Variants in PSEN1 observed in about 807,000 individuals in gnomAD.
PSEN1 encodes the protein presenilin-1.
Under a neutral mutation model 53.5 loss-of-function variants are expected in PSEN1, and 15 were observed. That is an observed-to-expected ratio of 0.28 (90% CI 0.19 to 0.43). The LOEUF is 0.43. Among genes scored for constraint, PSEN1 ranks in the 20% least tolerant of loss-of-function variants. PSEN1 has a pLI of 1.00. For missense variants in PSEN1, 387 were observed against 571.2 expected (o/e 0.68, Z 3.29); for synonymous variants, 208 against 209.8 (o/e 0.99, Z 0.08).
intron 9 of PSEN1, among the ~76,000 whole-genome samples, chr14:73,207,877 A>C (rs1899517348): frequency 6.6e-6 from 1 of 152,252 alleles, no homozygotes; most frequent in South Asian, 2.1e-4. Flanking sequence ...TGCTGGCTGC[A>C]GCAGGGCAGG....
rs1202819458 is a variant in PSEN1, at chr14:73,219,675, G to T, written c.*386G>T. On this transcript the variant is annotated 3_prime_UTR_variant, in exon 12 of 12. Transcript: ENST00000324501. ...CCGTTACCAAGAGGTTAGGTGAAGT[G>T]GTTTAAACCAAACGGAACTCTTCAT... is the stretch of plus-strand genomic sequence containing the variant. 4 of 282,852 alleles carry T rather than the reference G, an allele frequency of 1.4e-5. No homozygotes were observed. Among genetic ancestry groups the T allele is most frequent in the Non-Finnish European group, 2.1e-5 (3 of 144,650 alleles). The allele number at this position is 282,852 out of a possible 1,614,324, so 17.5% of individuals were successfully genotyped here.
chr14:73,150,537 G>A (rs1441782641), intron 3 of PSEN1, among the ~76,000 whole-genome samples: 1 of 152,036 alleles, frequency 6.6e-6, no homozygotes, highest in East Asian at 1.9e-4. Flanking sequence ...GCCGAGGCTG[G>A]TGGATCACAA....
intron 8 of PSEN1, among the ~76,000 whole-genome samples, chr14:73,199,565 TAC>T (rs1439037457): frequency 2.0e-5 from 3 of 152,226 alleles, no homozygotes; most frequent in African/African-American, 7.2e-5. Context: ...AGACAGCACT[TAC>T]AGAGTGCATC....
At chr14:73,185,050 C>T (rs1030427667) in intron 5 of PSEN1, among the ~76,000 whole-genome samples, 2 of 151,776 alleles carry the variant, frequency 1.3e-5, no homozygotes, top group Non-Finnish European at 2.9e-5. Context: ...GATGTGATGG[C>T]AGCCGGGCAG....
chr14:73,159,353 G>A (rs1385634963), intron 3 of PSEN1, among the ~76,000 whole-genome samples: 2 of 151,978 alleles, frequency 1.3e-5, no homozygotes, highest in South Asian at 2.1e-4. Flanking sequence ...AGCTAATTCC[G>A]TTTGTATTTC....
intron 8 of PSEN1, among the ~76,000 whole-genome samples, chr14:73,201,908 G>A (rs993311310): frequency 5.9e-5 from 9 of 152,130 alleles, no homozygotes; most frequent in East Asian, 3.9e-4. Flanking sequence ...CACCACATCC[G>A]GCTAATGTTT....
chr14:73,138,965 AAG>A (rs1286613641), intron 1 of PSEN1, among the ~76,000 whole-genome samples: 1 of 136,004 alleles, frequency 7.4e-6, no homozygotes, highest in Non-Finnish European at 1.6e-5. Flanking sequence ...AGACTCTGTC[AAG>A]AAAAAAAGAA....
chr14:73,211,573 T>C (rs1194062047), intron 9 of PSEN1, among the ~76,000 whole-genome samples, 196 bp from the exon 10 acceptor site: 2 of 152,108 alleles, frequency 1.3e-5, no homozygotes, highest in African/African-American at 4.8e-5. Flanking sequence ...CCCAAACAAT[T>C]CAGGATTCTG....
At chr14:73,201,113 G>A (rs1419164180) in intron 8 of PSEN1, among the ~76,000 whole-genome samples, 1 of 151,444 alleles carries the variant, frequency 6.6e-6, no homozygotes, top group African/African-American at 2.4e-5. Flanking sequence ...GTTTGTGGCA[G>A]AGTCTTGCTG....
intron 9 of PSEN1, among the ~76,000 whole-genome samples, chr14:73,208,306 G>T (rs903344315): frequency 6.6e-6 from 1 of 152,220 alleles, no homozygotes; most frequent in African/African-American, 2.4e-5. Flanking sequence ...GAAGAATGAA[G>T]TACGTGGACA....
rs1333506658 is a variant in PSEN1 at position 73,222,721 on chromosome 14, T to C, written c.*3432T>C. On this transcript the variant is annotated 3_prime_UTR_variant, in exon 12 of 12. Coordinates refer to ENST00000324501, the MANE Select transcript of PSEN1 (RefSeq NM_000021.4). ...TCTTTCTTTAACTTCTCTAAAATAT[T>C]GGGTATTTGTCAAATAACCACTTTT... The C allele has an allele frequency of 6.6e-6, 1 of 152,232 alleles. No homozygotes were observed. The highest frequency in any genetic ancestry group is 1.5e-5 in the Non-Finnish European group (1 of 68,036). 9.4% of individuals were successfully genotyped at this position (152,232 alleles called of 1,614,324 possible).
intron 8 of PSEN1, among the ~76,000 whole-genome samples, chr14:73,199,276 G>T (rs1899081076): frequency 6.6e-6 from 1 of 152,188 alleles, no homozygotes. Context: ...AGGTCTGTGA[G>T]CTGGTGAGCA....
intron 9 of PSEN1, chr14:73,208,943 C>T (rs2140129938): frequency 4.4e-6 from 2 of 451,644 alleles, no homozygotes; most frequent in East Asian, 1.4e-4. Context: ...CCTCCTCAGT[C>T]TCCCTCCCAT....
chr14:73,165,544 G>A (rs1304264979), intron 3 of PSEN1, among the ~76,000 whole-genome samples: 1 of 150,908 alleles, frequency 6.6e-6, no homozygotes, highest in African/African-American at 2.4e-5. Flanking sequence ...TCAGGAGTTC[G>A]AGACCAGCCT....
chr14:73,155,549 G>C (rs1897330117), intron 3 of PSEN1, among the ~76,000 whole-genome samples: 1 of 151,858 alleles, frequency 6.6e-6, no homozygotes, highest in Non-Finnish European at 1.5e-5. Context: ...TATCACCCAG[G>C]CTGGAGTATA....
At position 73,192,667 on chromosome 14, in the gene PSEN1, T is replaced by C. The variant is rs112451138; in HGVS notation, c.572T>C (p.Val191Ala). The stretch of plus-strand genomic sequence containing the variant: ...AGGGAAGTGTTTAAAACCTATAACG[T>C]TGCTGTGGACTACATTACTGTTGCA... The part of the protein sequence containing the change: ...YLGEVFKTYN[V>A]AVDYITVALL... The change falls in exon 7 of 12, where the codon GTT becomes GCT. Residue 191 changes from valine to alanine, a missense_variant. This residue lies in a region of PSEN1 where 169 missense variants were observed against 299.7 expected (regional missense o/e 0.56). Transcript: ENST00000324501. 5 of 1,613,920 alleles carry C rather than the reference T, an allele frequency of 3.1e-6. No individual in the cohort carries two copies. The African/African-American group carries it at 5.3e-5, about 17-fold the overall frequency.
chr14:73,194,864 G>A (rs1048931410), intron 7 of PSEN1, among the ~76,000 whole-genome samples: 3 of 151,158 alleles, frequency 2.0e-5, no homozygotes, highest in Non-Finnish European at 4.4e-5. Flanking sequence ...CACCGTGCCC[G>A]GCCTGGCCAT....
At position 73,185,355 on chromosome 14, in the gene PSEN1, G is replaced by A. The variant is rs1459548705; in HGVS notation, c.481-1498G>A. Among the ~76,000 whole-genome samples the A allele has an allele frequency of 3.2e-4, 49 of 152,336 alleles. 1 individual carries two copies. In the South Asian group the frequency reaches 9.5e-3, roughly 30 times the overall value. ...GAACGAGACTCCGTCTGCAATCCCG[G>A]CACCTCGGGAGGCCGAGGCTGGTGG... On this transcript the variant is annotated intron_variant, in intron 5 of 11. Coordinates refer to ENST00000324501, the MANE Select transcript of PSEN1 (RefSeq NM_000021.4).
At chr14:73,169,846 A>G (rs1186022285) in intron 3 of PSEN1, among the ~76,000 whole-genome samples, 2 of 152,096 alleles carry the variant, frequency 1.3e-5, no homozygotes, top group African/African-American at 4.8e-5. Flanking sequence ...GGGTTTCACC[A>G]TGTTGGCCAG....
Sources: allele counts gnomAD v4.1 joint callset (sites outside exome capture counted in the v4.1 genomes callset), GRCh38; gene constraint gnomAD v4.1.1; regional missense constraint gnomAD v4.1.1; transcripts MANE v1.5; gene names NCBI Gene and HGNC (gene_info 2026-07-23, HGNC 2026-07-21).